Variants in KMT2C observed in about 807,000 individuals in gnomAD.
The protein encoded by KMT2C is histone-lysine N-methyltransferase 2C.
In KMT2C, 88 loss-of-function variants were observed where a neutral mutation model predicts 507.9. The ratio of observed to expected loss-of-function variants is 0.17; its 90% CI spans 0.15 to 0.21. The LOEUF (loss-of-function observed/expected upper bound fraction) is 0.21. Among genes scored for constraint, KMT2C ranks in the 10% least tolerant of loss-of-function variants. The pLI is 1.00. For missense variants in KMT2C, 4,954 were observed against 5,957.8 expected (o/e 0.83, Z 5.55); for synonymous variants, 2,049 against 2,080.8 (o/e 0.98, Z 0.42).
At chr7:152,175,710 C>T (rs1277335622) in intron 38 of KMT2C, among the ~76,000 whole-genome samples, 1 of 152,112 alleles carries the variant, frequency 6.6e-6, no homozygotes, top group East Asian at 1.9e-4. Context: ...GGATTACAGC[C>T]GTGAGCCACT....
intron 1 of KMT2C, among the ~76,000 whole-genome samples, chr7:152,387,469 A>ATTTT (rs34278604): frequency 6.9e-5 from 8 of 115,718 alleles, no homozygotes; most frequent in East Asian, 5.0e-4. Flanking sequence ...GTATAATTCC[A>ATTTT]TTTTTTTTTT....
intron 6 of KMT2C, among the ~76,000 whole-genome samples, chr7:152,301,934 C>T (rs559605510): frequency 1.3e-5 from 2 of 152,200 alleles, no homozygotes; most frequent in South Asian, 4.2e-4. Context: ...TGTTTTTCAA[C>T]TTTTTTAGAC....
chr7:152,235,207 G>GTATATATATATATATATA (rs71533554), intron 16 of KMT2C, among the ~76,000 whole-genome samples: 260 of 142,458 alleles, frequency 1.8e-3, no homozygotes, highest in African/African-American at 5.5e-3. Context: ...TTTCAAGGGT[G>GTATATATATATATATATA]TATATATATA....
chr7:152,177,843 A>C lies in KMT2C; in HGVS notation c.7610T>G (p.Leu2537Arg), dbSNP rs757625566. ...NNSQMNNPVG[L>R]PQHFSPQSLP... ...GCTCTGTGGTGAAAAATGCTGAGGA[A>C]GTCCAACTGGATTATTCATTTGTGA... is the stretch of plus-strand genomic sequence containing the variant. The change falls in exon 38 of 59, where the codon CTT becomes CGT. Residue 2537 changes from leucine to arginine, a missense_variant. Transcript: ENST00000262189. 2.5e-6 allele frequency: 4 copies of C among 1,613,708 alleles called. No individual in the cohort carries two copies. Among genetic ancestry groups the C allele is most frequent in the Non-Finnish European group, 3.4e-6 (4 of 1,179,940 alleles).
rs765898255 is a variant in KMT2C at position 152,144,916 on chromosome 7, C to A, written c.14175-35G>T. The A allele has an allele frequency of 3.8e-6, 6 of 1,576,584 alleles. No individual in the cohort carries two copies. Among genetic ancestry groups the A allele is most frequent in the Middle Eastern group, 1.7e-4 (1 of 5,942 alleles). ...ATGGCATATCAACAGGAAAAAAATA[C>A]AAGGAAAACTGAAGATACCTCTGAG... On this transcript the variant is annotated intron_variant, in intron 54 of 58. Coordinates refer to ENST00000262189, the MANE Select transcript of KMT2C (RefSeq NM_170606.3). This position sits in a 1 kb window ranked among gnomAD's most constrained non-coding sequence, Gnocchi z 4.4.
rs1316284471 is a variant in KMT2C, at chr7:152,148,225, C to T, written c.13702G>A (p.Ala4568Thr). 2 of 1,614,234 alleles carry T rather than the reference C, an allele frequency of 1.2e-6. No individual in the cohort carries two copies. Among genetic ancestry groups the T allele is most frequent in the Non-Finnish European group, 1.7e-6 (2 of 1,180,028 alleles). Residue 4568 changes from alanine (A) to threonine (T), a missense_variant, in exon 52 of 59, where the codon GCA becomes ACA. This residue lies in a region of KMT2C where 221 missense variants were observed against 304.7 expected (regional missense o/e 0.73). Coordinates refer to ENST00000262189, the MANE Select transcript of KMT2C (RefSeq NM_170606.3). The surrounding 1 kb of genome is among the most constrained non-coding windows in gnomAD (Gnocchi z 7.1). ...IGQLLPQQMQ[A>T]FHSPKALFPV... ...AAGAGTGCTTTAGGAGAATGGAATG[C>T]TTGCATCTGCTGTGGAAGCAGCTGA...
At chr7:152,339,090 A>G (rs530020323) in intron 2 of KMT2C, among the ~76,000 whole-genome samples, 5 of 152,358 alleles carry the variant, frequency 3.3e-5, no homozygotes, top group South Asian at 4.1e-4. Flanking sequence ...CACTGATAGC[A>G]TAACAGGCTA....
chr7:152,368,374 G>A lies in KMT2C; in HGVS notation c.162-9699C>T, dbSNP rs1267165878. On this transcript the variant is annotated intron_variant, in intron 1 of 58. Transcript: ENST00000262189. ...GAGCCCTCTGGCACAAATGGAAGAA[G>A]AAAGAAGGGAGTATGCAGCTAAAAT... 6 of 1,107,918 alleles carry A rather than the reference G, an allele frequency of 5.4e-6. No homozygotes were observed. The East Asian group carries it at 1.5e-4, about 28-fold the overall frequency. The allele number at this position is 1,107,918 out of a possible 1,614,324, so 68.6% of individuals were successfully genotyped here. A position where few individuals can be genotyped will look rare whatever the true frequency, so the allele number is the denominator to read the frequency against.
Position 152,310,017 on chromosome 7 carries a change from T to C in KMT2C, c.798A>G (p.Glu266=). Reference sequence around the variant, plus strand: ...TGTCCACGTTCACTAACAATGGTTCTTCCATCTGGCATACTCCTAGTGACC... The same window carrying C: ...TGTCCACGTTCACTAACAATGGTTCCTCCATCTGGCATACTCCTAGTGACC... The part of the protein sequence containing the change: ...VEWSLGVCQM[E]EPLLVNVDKA... The change falls in exon 6 of 59, where the codon GAA becomes GAG. Residue 266 remains glutamate (E), a synonymous_variant. Coordinates refer to ENST00000262189, the MANE Select transcript of KMT2C (RefSeq NM_170606.3). 1 of 1,613,978 alleles carries C rather than the reference T, an allele frequency of 6.2e-7. No individual in the cohort carries two copies. Among genetic ancestry groups the C allele is most frequent in the Non-Finnish European group, 8.5e-7 (1 of 1,179,880 alleles).
chr7:152,410,346 A>G (rs6959298), intron 1 of KMT2C, among the ~76,000 whole-genome samples: 6,641 of 151,876 alleles, frequency 0.044, 118 homozygotes, highest in African/African-American at 0.15. Flanking sequence ...CAGGAGGCGG[A>G]GCTTGCACTG....
intron 6 of KMT2C, among the ~76,000 whole-genome samples, chr7:152,301,111 C>T (rs1380848903): frequency 1.3e-5 from 2 of 151,258 alleles, no homozygotes; most frequent in African/African-American, 2.4e-5. Flanking sequence ...GCCTATAATA[C>T]TAGCACCTTG....
Position 152,286,854 on chromosome 7 carries a change from A to C in KMT2C, c.850-12987T>G, listed in dbSNP as rs567566964. On this transcript the variant is annotated intron_variant, in intron 6 of 58. Coordinates refer to ENST00000262189, the MANE Select transcript of KMT2C (RefSeq NM_170606.3). ...CTCAGAAACACCAACAGGCACACAC[A>C]TACGTAAAACTCCAAGAAAATTCTG... is the stretch of plus-strand genomic sequence containing the variant. 1.1e-4 allele frequency among the ~76,000 whole-genome samples: 17 copies of C among 152,360 alleles called. No individual in the cohort carries two copies. In the South Asian group the frequency reaches 3.5e-3, roughly 32 times the overall value.
chr7:152,297,056 AGAG>A (rs1563767543), intron 6 of KMT2C, among the ~76,000 whole-genome samples: 811 of 41,770 alleles, frequency 0.019, 5 homozygotes, highest in East Asian at 0.024. Flanking sequence ...AAAGAAAGAC[AGAG>A]AGAGAGAGAG....
chr7:152,239,645 C>T (rs1249932562), intron 14 of KMT2C, among the ~76,000 whole-genome samples: 1 of 152,048 alleles, frequency 6.6e-6, no homozygotes, highest in Non-Finnish European at 1.5e-5. Flanking sequence ...TTCAGCAATA[C>T]CCTGAACTAA....
At chr7:152,335,228 ACTCT>A (rs530192607) in intron 2 of KMT2C, among the ~76,000 whole-genome samples, 1 of 151,984 alleles carries the variant, frequency 6.6e-6, no homozygotes, top group Middle Eastern at 3.2e-3. Context: ...TGCTAGAGAG[ACTCT>A]CTCTGCCTGC....
At chr7:152,235,633 A>G (rs1415446263) in intron 16 of KMT2C, among the ~76,000 whole-genome samples, 184 bp downstream of exon 16, 1 of 152,300 alleles carries the variant, frequency 6.6e-6, no homozygotes, top group African/African-American at 2.4e-5. Context: ...AGAAAAGAGA[A>G]AGGATGAGAA....
At chr7:152,224,827 C>T (rs1244795513) in intron 18 of KMT2C, among the ~76,000 whole-genome samples, 1 of 152,132 alleles carries the variant, frequency 6.6e-6, no homozygotes, top group Non-Finnish European at 1.5e-5. Flanking sequence ...GAAAATGGCA[C>T]ATATTTTAAC....
chr7:152,145,176 G>T lies in KMT2C; in HGVS notation c.14151C>A (p.Ala4717=), dbSNP rs143313651. 3 of 1,613,970 alleles carry T rather than the reference G, an allele frequency of 1.9e-6. No individual in the cohort carries two copies. In the African/African-American group the frequency reaches 4.0e-5, roughly 22 times the overall value. The part of the protein sequence containing the change: ...GCARSEPKMS[A]HVKRFVLRPH... Reference sequence around the variant, plus strand: ...ACCTTAACACAAACCTCTTGACATGGGCACTCATTTTAGGTTCAGAACGGG... The same window carrying T: ...ACCTTAACACAAACCTCTTGACATGTGCACTCATTTTAGGTTCAGAACGGG... Residue 4717 remains alanine, a synonymous_variant, in exon 54 of 59, where the codon GCC becomes GCA. Transcript: ENST00000262189.
chr7:152,282,308 A>G (rs2096231143), intron 6 of KMT2C, among the ~76,000 whole-genome samples: 1 of 151,474 alleles, frequency 6.6e-6, no homozygotes, highest in Non-Finnish European at 1.5e-5. Context: ...AAAAAAAAAA[A>G]AAGAAAGAAA....
Sources: gnomAD v4.1 joint callset for allele counts (sites outside exome capture counted in the v4.1 genomes callset) on GRCh38, gnomAD v4.1.1 for gene constraint, gnomAD v4.1.1 regional missense constraint, Gnocchi (gnomAD v3.1) non-coding constraint, MANE v1.5 for transcripts, NCBI Gene and HGNC (gene_info 2026-07-23, HGNC 2026-07-21) for gene names.